EBPL: variants seen among roughly 807,000 people sequenced by gnomAD.
EBPL encodes EBP like, also known as emopamil-binding protein-like.
A neutral mutation model predicts 19.0 loss-of-function variants in EBPL; 20 were observed. The observed-to-expected ratio is 1.05, with a 90% confidence interval of 0.74 to 1.53. EBPL has a LOEUF of 1.53. Among genes scored for constraint, EBPL ranks in the 40% most tolerant of loss-of-function variants. EBPL has a pLI of 0.00. For synonymous variants in EBPL, 107 were observed against 117.0 expected (o/e 0.91, Z 0.55); for missense variants, 219 against 261.1 (o/e 0.84, Z 1.11).
At chr13:49,672,834 C>T (rs931402127) in intron 1 of EBPL, among the ~76,000 whole-genome samples, 9 of 152,002 alleles carry the variant, frequency 5.9e-5, no homozygotes, top group African/African-American at 1.9e-4. Flanking sequence ...CCTGGGCGGG[C>T]GAATCACGAG....
At chr13:49,667,956 A>T (rs577921903) in intron 2 of EBPL, among the ~76,000 whole-genome samples, 1 of 152,342 alleles carries the variant, frequency 6.6e-6, no homozygotes, top group Admixed American at 6.5e-5. Flanking sequence ...AAAGGGGAGA[A>T]GAGGACACTC....
In EBPL at chr13:49,686,428, A is replaced by G. The variant is rs1953998761; in HGVS notation, c.171+4826T>C. The G allele has an allele frequency of 4.0e-6, 5 of 1,264,242 alleles. No individual in the cohort carries two copies. The Admixed American group carries it at 1.0e-4, about 26-fold the overall frequency. The allele number at this position is 1,264,242 out of a possible 1,614,324, so 78.3% of individuals were successfully genotyped here. On this transcript the variant is annotated intron_variant, in intron 1 of 3. Coordinates refer to ENST00000242827, the MANE Select transcript of EBPL (RefSeq NM_032565.5). Reference sequence around the variant, plus strand: ...CTTTGGCTTCTGGAGCCTCCCTCCCATCAATCCCACTCTCACCATTGACTT... The same window carrying G: ...CTTTGGCTTCTGGAGCCTCCCTCCCGTCAATCCCACTCTCACCATTGACTT...
chr13:49,688,691 T>C (rs983022423), intron 1 of EBPL, among the ~76,000 whole-genome samples: 5 of 140,426 alleles, frequency 3.6e-5, no homozygotes, highest in Non-Finnish European at 6.0e-5. Flanking sequence ...TGCACTCCAG[T>C]CTGGGTAATA....
At position 49,661,918 on chromosome 13, in the gene EBPL, C is replaced by T. The variant is rs944699035; in HGVS notation, c.381-710G>A. Reference sequence around the variant, plus strand: ...GGATAGCAATCTATTCACCCCAGGCCACTCTGTCCCTAAGGAAAGAAAAGG... The same window carrying T: ...GGATAGCAATCTATTCACCCCAGGCTACTCTGTCCCTAAGGAAAGAAAAGG... On this transcript the variant is annotated intron_variant, in intron 3 of 3. Coordinates refer to ENST00000242827, the MANE Select transcript of EBPL (RefSeq NM_032565.5). The T allele has an allele frequency of 5.2e-6, 8 of 1,550,370 alleles. No homozygotes were observed. The African/African-American group carries it at 1.1e-4, about 21-fold the overall frequency.
At chr13:49,674,167 G>A (rs919043416) in intron 1 of EBPL, among the ~76,000 whole-genome samples, 4 of 151,916 alleles carry the variant, frequency 2.6e-5, no homozygotes, top group East Asian at 1.9e-4. Flanking sequence ...GCAGTGGTGC[G>A]ACCTTGGCTC....
chr13:49,667,033 G>A (rs151239248), intron 2 of EBPL, among the ~76,000 whole-genome samples: 97 of 152,234 alleles, frequency 6.4e-4, no homozygotes, highest in African/African-American at 1.8e-3. Context: ...GAGAGGTAGC[G>A]TGTCTGAATC....
intron 1 of EBPL, among the ~76,000 whole-genome samples, chr13:49,686,900 ATCC>A (rs1349012860): frequency 6.6e-6 from 1 of 152,024 alleles, no homozygotes; most frequent in Non-Finnish European, 1.5e-5. Context: ...GGTTCAAGTG[ATCC>A]TCCTACTTCA....
intron 1 of EBPL, among the ~76,000 whole-genome samples, chr13:49,675,878 G>GTT (rs11395508): frequency 2.2e-3 from 317 of 145,902 alleles, no homozygotes; most frequent in South Asian, 0.015. Context: ...TGTTGTTATT[G>GTT]TTTTTTTTTT....
chr13:49,690,282 T>C (rs1954047202), intron 1 of EBPL, among the ~76,000 whole-genome samples: 3 of 151,594 alleles, frequency 2.0e-5, no homozygotes, highest in Admixed American at 2.0e-4. Flanking sequence ...GCAACATCAG[T>C]CATGGGCACA....
intron 2 of EBPL, among the ~76,000 whole-genome samples, chr13:49,665,294 C>T (rs1017502749): frequency 2.6e-5 from 4 of 151,830 alleles, no homozygotes; most frequent in East Asian, 1.9e-4. Context: ...CTGACTGAGA[C>T]GGAGTCTCAC....
intron 1 of EBPL, among the ~76,000 whole-genome samples, chr13:49,684,354 T>C (rs573239815): frequency 6.6e-6 from 1 of 152,324 alleles, no homozygotes; most frequent in African/African-American, 2.4e-5. Flanking sequence ...GCTTTCACTA[T>C]AATAACAATA....
In EBPL at chr13:49,660,915, T is replaced by C. The variant is rs760145741; in HGVS notation, c.*53A>G. The C allele has an allele frequency of 1.5e-5, 22 of 1,481,362 alleles. No individual in the cohort carries two copies. Among genetic ancestry groups the C allele is most frequent in the Non-Finnish European group, 1.9e-5 (21 of 1,081,472 alleles). 91.8% of individuals were successfully genotyped at this position (1,481,362 alleles called of 1,614,324 possible). On this transcript the variant is annotated 3_prime_UTR_variant, in exon 4 of 4. Transcript: ENST00000242827. Reference sequence around the variant, plus strand: ...TTACATTTTGGCCAAACAAAAAGATTTGATTCATTCTGGTTCATGAAGTTA... The same window carrying C: ...TTACATTTTGGCCAAACAAAAAGATCTGATTCATTCTGGTTCATGAAGTTA...
chr13:49,682,512 G>C (rs965232354), intron 1 of EBPL, among the ~76,000 whole-genome samples: 1 of 152,174 alleles, frequency 6.6e-6, no homozygotes, highest in African/African-American at 2.4e-5. Flanking sequence ...CTGAACTCTG[G>C]CAAGTGCCAG....
chr13:49,661,637 C>G, intron 3 of EBPL: 1 of 683,920 alleles, frequency 1.5e-6, no homozygotes, highest in Non-Finnish European at 1.8e-6. Flanking sequence ...AAGCGATGGG[C>G]AAGTAAAAGG....
intron 2 of EBPL, among the ~76,000 whole-genome samples, chr13:49,663,938 C>A (rs1490232033): frequency 1.2e-4 from 17 of 140,210 alleles, no homozygotes; most frequent in African/African-American, 2.4e-4. Flanking sequence ...AAAAAAAAAA[C>A]AAAAAAACAA....
At chr13:49,668,881 A>ATTT (rs371547557) in intron 2 of EBPL, among the ~76,000 whole-genome samples, 1 of 142,224 alleles carries the variant, frequency 7.0e-6, no homozygotes, top group Non-Finnish European at 1.5e-5. Context: ...CACTACCAAC[A>ATTT]TTTTTTTTTT....
intron 1 of EBPL, among the ~76,000 whole-genome samples, chr13:49,672,317 A>C (rs1326782366): frequency 1.3e-5 from 2 of 152,220 alleles, no homozygotes; most frequent in Non-Finnish European, 1.5e-5. Flanking sequence ...TATAATACAT[A>C]TCAAGTGTAA....
chr13:49,679,743 G>T (rs188767834), intron 1 of EBPL, among the ~76,000 whole-genome samples: 1 of 151,950 alleles, frequency 6.6e-6, no homozygotes, highest in African/African-American at 2.4e-5. Flanking sequence ...TGGCTCAAGC[G>T]CCTCCTCCCT....
chr13:49,679,537 T>G (rs1169211247), intron 1 of EBPL, among the ~76,000 whole-genome samples: 1 of 152,178 alleles, frequency 6.6e-6, no homozygotes, highest in African/African-American at 2.4e-5. Flanking sequence ...TCTTGTTCTG[T>G]CACCCAGGCT....
Sources: allele counts gnomAD v4.1 joint callset (sites outside exome capture counted in the v4.1 genomes callset), GRCh38; gene constraint gnomAD v4.1.1; transcripts MANE v1.5; gene names NCBI Gene and HGNC (gene_info 2026-07-23, HGNC 2026-07-21).